The following INTS4 variants were observed in gnomAD, a reference collection of about 807,000 sequenced individuals.
The protein encoded by INTS4 is integrator complex subunit 4, also known as MSTP093.
In INTS4, 70 loss-of-function variants were observed where a neutral mutation model predicts 119.5. The observed-to-expected ratio is 0.59, with a 90% confidence interval of 0.48 to 0.71. INTS4 has a LOEUF of 0.71. Among genes scored for constraint, INTS4 ranks in the 30% least tolerant of loss-of-function variants. The probability of loss-of-function intolerance (pLI) is 0.00; values close to 1 mark genes in which losing one functional copy is unlikely to be tolerated. For missense variants in INTS4, 867 were observed against 1,173.2 expected (o/e 0.74, Z 3.81); for synonymous variants, 316 against 419.6 (o/e 0.75, Z 3.02).
chr11:77,919,839 C>T (rs1389768726), intron 14 of INTS4, among the ~76,000 whole-genome samples: 4 of 152,046 alleles, frequency 2.6e-5, no homozygotes, highest in Non-Finnish European at 5.9e-5. Flanking sequence ...GATGGAGTCT[C>T]GCTCTGTCGC....
downstream of INTS4, among the ~76,000 whole-genome samples, chr11:77,878,506 T>TAA (rs566159329): frequency 1.5e-4 from 22 of 147,270 alleles, no homozygotes; most frequent in African/African-American, 5.0e-4. Flanking sequence ...CTGTCAATGG[T>TAA]AAAAAAAAAA....
intron 8 of INTS4, among the ~76,000 whole-genome samples, chr11:77,946,158 A>G (rs71468305): frequency 3.9e-5 from 6 of 152,220 alleles, no homozygotes; most frequent in African/African-American, 7.2e-5. Context: ...CAGCATTGCC[A>G]TCACAAACTC....
At chr11:77,876,745 CA>C (rs140317668), downstream of INTS4, among the ~76,000 whole-genome samples, 14,880 of 152,198 alleles carry the variant, frequency 0.098, 1,064 homozygotes, top group Admixed American at 0.18. Context: ...AAGACAGGAT[CA>C]AGTCCTGGCT....
In INTS4 at chr11:77,988,116, A is replaced by G. The variant is rs1455521330; in HGVS notation, c.246+2992T>C. Among the ~76,000 whole-genome samples the G allele has an allele frequency of 3.3e-5, 5 of 152,382 alleles. No individual in the cohort carries two copies. In the South Asian group the frequency reaches 8.3e-4, roughly 25 times the overall value. Reference sequence around the variant, plus strand: ...AAGCCTGATTTTATTCACGTAAAACATAAGTGAAACATTTATAATGTCCCT... The same window carrying G: ...AAGCCTGATTTTATTCACGTAAAACGTAAGTGAAACATTTATAATGTCCCT... On this transcript the variant is annotated intron_variant, in intron 2 of 22. Transcript: ENST00000534064.
At chr11:77,874,878 A>G (rs1444786789), downstream of INTS4, among the ~76,000 whole-genome samples, 1 of 152,160 alleles carries the variant, frequency 6.6e-6, no homozygotes, top group Non-Finnish European at 1.5e-5. Flanking sequence ...CTCTACTAAA[A>G]ATACAAAAAT....
intron 9 of INTS4, among the ~76,000 whole-genome samples, chr11:77,940,368 T>C (rs533429443): frequency 6.6e-6 from 1 of 152,214 alleles, no homozygotes; most frequent in East Asian, 1.9e-4. Flanking sequence ...GAGATCAAAG[T>C]TGCATTGAGT....
chr11:77,934,101 G>A (rs1953733277), intron 10 of INTS4, among the ~76,000 whole-genome samples: 1 of 151,914 alleles, frequency 6.6e-6, no homozygotes, highest in South Asian at 2.1e-4. Context: ...CCCCAACCCC[G>A]TGCTCTCTGA....
chr11:77,949,637 T>C (rs546575855), intron 8 of INTS4, among the ~76,000 whole-genome samples: 13 of 152,064 alleles, frequency 8.5e-5, no homozygotes, highest in South Asian at 4.1e-4. Context: ...CACTGGTCAT[T>C]AGAGAAATGC....
chr11:77,920,236 T>TAC (rs1565244834), intron 14 of INTS4, among the ~76,000 whole-genome samples: 3,377 of 90,408 alleles, frequency 0.037, 106 homozygotes, highest in African/African-American at 0.12. Flanking sequence ...TACATACATA[T>TAC]ATACATATAT....
At chr11:77,966,052 T>A (rs1046288722) in intron 4 of INTS4, among the ~76,000 whole-genome samples, 11 of 152,310 alleles carry the variant, frequency 7.2e-5, no homozygotes, top group African/African-American at 2.6e-4. Context: ...AATTTGCATT[T>A]TCCCGACGCT....
chr11:77,907,782 A>G lies in INTS4; in HGVS notation c.1951T>C (p.Ser651Pro). 1.2e-6 allele frequency: 2 copies of G among 1,613,690 alleles called. No individual in the cohort carries two copies. Among genetic ancestry groups the G allele is most frequent in the Non-Finnish European group, 1.7e-6 (2 of 1,179,668 alleles). ...AAATCAGCTACTCCTGCCAATTCAGATTGAAGTTCTCCAAGTCTTTGCAGA... is the reference window on the plus strand; with the variant it reads ...AAATCAGCTACTCCTGCCAATTCAGGTTGAAGTTCTCCAAGTCTTTGCAGA... ...RDLQRLGELQ[S>P]ELAGVADFSA... is the part of the protein sequence containing the mutation. Residue 651 changes from serine to proline, a missense_variant, in exon 16 of 23, where the codon TCT (serine) becomes CCT (proline). Physicochemically the swap from Ser to Pro is moderately conservative, Grantham distance 74. Transcript: ENST00000534064.
intron 2 of INTS4, among the ~76,000 whole-genome samples, chr11:77,984,212 ACC>A (rs1856364905): frequency 6.6e-6 from 1 of 152,004 alleles, no homozygotes; most frequent in Non-Finnish European, 1.5e-5. Context: ...GTAGAATGAG[ACC>A]GGGCACAGTG....
chr11:77,924,207 C>T (rs1953437750), intron 12 of INTS4, among the ~76,000 whole-genome samples: 1 of 149,384 alleles, frequency 6.7e-6, no homozygotes, highest in Admixed American at 6.7e-5. Flanking sequence ...CCAGCCTAAC[C>T]AACATGGTAA....
At chr11:77,923,441 G>A (rs1474555520) in intron 12 of INTS4, among the ~76,000 whole-genome samples, 1 of 151,726 alleles carries the variant, frequency 6.6e-6, no homozygotes, top group African/African-American at 2.4e-5. Context: ...CAGACTTATT[G>A]GCTAAGATAT....
rs549707779 is a variant in INTS4 at position 77,883,768 on chromosome 11, G to A, written c.2713+64C>T. The A allele has an allele frequency of 7.9e-5, 122 of 1,548,744 alleles. 1 individual carries two copies. Among genetic ancestry groups the A allele is most frequent in the South Asian group, 2.4e-4 (21 of 85,886 alleles). On this transcript the variant is annotated intron_variant, in intron 22 of 22. Coordinates refer to ENST00000534064, the MANE Select transcript of INTS4 (RefSeq NM_033547.4). ...TTTTTTCAAACTTTAAAAACCAAAC[G>A]CTTAAGGGTAGGTGTGATCTCCAGC...
chr11:77,974,243 T>TC (rs1464949259), intron 4 of INTS4, among the ~76,000 whole-genome samples: 7 of 141,078 alleles, frequency 5.0e-5, no homozygotes, highest in African/African-American at 1.6e-4. Context: ...CTTTTCTTTT[T>TC]TTTTTTTTTT....
At chr11:77,966,334 G>T (rs950052906) in intron 4 of INTS4, among the ~76,000 whole-genome samples, 3 of 152,028 alleles carry the variant, frequency 2.0e-5, no homozygotes, top group African/African-American at 7.2e-5. Context: ...GTGGTTGGTT[G>T]GTTGCCTGCT....
chr11:77,893,765 C>T (rs1472230871), intron 19 of INTS4, among the ~76,000 whole-genome samples: 1 of 151,982 alleles, frequency 6.6e-6, no homozygotes, highest in Non-Finnish European at 1.5e-5. Context: ...TGGTGGCAGG[C>T]ACCTGTAGTG....
intron 8 of INTS4, among the ~76,000 whole-genome samples, chr11:77,945,689 C>A (rs1322573711): frequency 2.0e-5 from 3 of 152,202 alleles, no homozygotes; most frequent in Non-Finnish European, 4.4e-5. Context: ...TATGCACACG[C>A]CAGTACTCAG....
Sources: gnomAD v4.1 joint callset for allele counts (sites outside exome capture counted in the v4.1 genomes callset) on GRCh38, gnomAD v4.1.1 for gene constraint, MANE v1.5 for transcripts, NCBI Gene and HGNC (gene_info 2026-07-23, HGNC 2026-07-21) for gene names.